HACE1: variants seen among roughly 807,000 people sequenced by gnomAD.
HACE1 encodes the protein E3 ubiquitin-protein ligase HACE1.
HACE1 carries 73 observed loss-of-function variants against 118.4 expected under a neutral mutation model. The ratio of observed to expected loss-of-function variants is 0.62; its 90% CI spans 0.51 to 0.75. The LOEUF (loss-of-function observed/expected upper bound fraction) is 0.75, where lower values mean the gene tolerates loss of function less well. HACE1 is among the 30% of genes least tolerant of loss of function. The pLI, the probability that HACE1 is intolerant of heterozygous loss-of-function variation, is 0.00. For synonymous variants in HACE1, 368 were observed against 374.8 expected, an observed-to-expected ratio of 0.98 and a Z score of 0.21; for missense variants, 749 against 1,102.2, an observed-to-expected ratio of 0.68 and a Z score of 4.54.
chr6:104,823,986 T>C (rs984468929), intron 6 of HACE1, among the ~76,000 whole-genome samples: 1 of 152,204 alleles, frequency 6.6e-6, no homozygotes, highest in Non-Finnish European at 1.5e-5. Context: ...TTAAATGTAC[T>C]CACCTCAACA....
chr6:104,737,063 C>T (rs140871262), intron 22 of HACE1, among the ~76,000 whole-genome samples: 3,542 of 151,612 alleles, frequency 0.023, 162 homozygotes, highest in African/African-American at 0.082. Context: ...GCGGGTGGAT[C>T]ACCTGAGGTC....
chr6:104,857,775 G>A (rs751926764), intron 1 of HACE1, among the ~76,000 whole-genome samples: 11 of 151,994 alleles, frequency 7.2e-5, no homozygotes, highest in Non-Finnish European at 1.3e-4. Context: ...AGCTAACACG[G>A]TGAAACCCCG....
chr6:104,756,426 AATAT>A lies in HACE1; in HGVS notation c.2212-5958_2212-5955del, dbSNP rs143518205. Among the ~76,000 whole-genome samples the A allele has an allele frequency of 1.1e-3, 113 of 105,934 alleles. 1 individual carries two copies. Among genetic ancestry groups the A allele is most frequent in the Admixed American group, 2.6e-3 (25 of 9,464 alleles). 69.5% of individuals were successfully genotyped at this position (105,934 alleles called of 152,430 possible). ...GATTCCATCTCAAAAAAAAAAAAAA[AATAT>A]ATATATATATATATATACACACACA... On this transcript the variant is annotated intron_variant, in intron 19 of 23. Transcript: ENST00000262903.
At chr6:104,832,697 C>G (rs1358440370) in intron 6 of HACE1, among the ~76,000 whole-genome samples, 1 of 151,972 alleles carries the variant, frequency 6.6e-6, no homozygotes, top group African/African-American at 2.4e-5. Flanking sequence ...AGCCCAAAAG[C>G]ACTATTTTCT....
intron 1 of HACE1, among the ~76,000 whole-genome samples, chr6:104,855,068 T>TA (rs1313424336): frequency 2.6e-5 from 4 of 152,212 alleles, no homozygotes; most frequent in Non-Finnish European, 4.4e-5. Context: ...ATCCTCATTT[T>TA]ACAAATGAGA....
At chr6:104,858,627 C>A (rs1776988085) in intron 1 of HACE1, 2 of 216,026 alleles carry the variant, frequency 9.3e-6, no homozygotes, top group South Asian at 5.0e-5. Flanking sequence ...ATCCTACAAA[C>A]CACCCAGCAG....
At chr6:104,831,988 A>AAGAGAAGAGAATAGAAGAGAAGAG (rs1562471383) in intron 6 of HACE1, among the ~76,000 whole-genome samples, 1 of 53,812 alleles carries the variant, frequency 1.9e-5, no homozygotes, top group South Asian at 8.1e-4. Flanking sequence ...GAGAGGAAGG[A>AAGAGAAGAGAATAGAAGAGAAGAG]AGGAAGGAAG....
chr6:104,793,429 C>A (rs1289830132), intron 10 of HACE1, among the ~76,000 whole-genome samples: 3 of 152,030 alleles, frequency 2.0e-5, no homozygotes, highest in African/African-American at 4.8e-5. Context: ...TACTTTCAAT[C>A]ATAAATATAT....
At chr6:104,818,754 G>A (rs552992351) in intron 6 of HACE1, among the ~76,000 whole-genome samples, 29 of 151,906 alleles carry the variant, frequency 1.9e-4, no homozygotes, top group African/African-American at 6.8e-4. Context: ...ATGTAATTCA[G>A]CACATAAGCA....
At chr6:104,855,451 A>C (rs1776626510) in intron 1 of HACE1, among the ~76,000 whole-genome samples, 1 of 152,180 alleles carries the variant, frequency 6.6e-6, no homozygotes. Flanking sequence ...TCGGAAAAAA[A>C]AATAAAAAAT....
At chr6:104,802,746 C>T (rs1223696123) in intron 7 of HACE1, among the ~76,000 whole-genome samples, 37 of 152,064 alleles carry the variant, frequency 2.4e-4, no homozygotes, top group Admixed American at 2.4e-3. Flanking sequence ...GCACTAAATG[C>T]CCACAAGAGA....
intron 11 of HACE1, 27 bp downstream of exon 11, chr6:104,791,477 C>T (rs17065321): frequency 0.061 from 95,661 of 1,580,986 alleles, 3,246 homozygotes; most frequent in South Asian, 0.082. Flanking sequence ...CGTCTATCTT[C>T]CTAACAATGC....
At chr6:104,831,980 G>GAAGAGGAGGA (rs71003447) in intron 6 of HACE1, among the ~76,000 whole-genome samples, 101 of 62,928 alleles carry the variant, frequency 1.6e-3, no homozygotes, top group Admixed American at 2.4e-3. Context: ...GAAGAGAAGA[G>GAAGAGGAGGA]AGGAAGGAAG....
In HACE1 at chr6:104,795,665, A is replaced by G; in HGVS notation, c.837T>C (p.His279=). The G allele has an allele frequency of 3.7e-6, 6 of 1,611,202 alleles. No individual in the cohort carries two copies. Among genetic ancestry groups the G allele is most frequent in the Non-Finnish European group, 5.1e-6 (6 of 1,177,438 alleles). ...ACTGGCTTTCACTTTGCTGAGACAA[A>G]TGCTCCAGAACTTGCCGTAACTAAA... ...RENMLRQVLE[H]LSQQSESQYL... The change falls in exon 10 of 24, where the codon CAT becomes CAC. Residue 279 remains histidine, a synonymous_variant. Transcript: ENST00000262903.
chr6:104,773,194 C>T (rs975911470), intron 17 of HACE1, among the ~76,000 whole-genome samples: 1 of 152,168 alleles, frequency 6.6e-6, no homozygotes, highest in African/African-American at 2.4e-5. Context: ...ACATAATGAG[C>T]TCATGCTATA....
chr6:104,772,178 A>G, intron 17 of HACE1, 104 bp from the exon 18 acceptor site: 1 of 688,598 alleles, frequency 1.5e-6, no homozygotes, highest in Non-Finnish European at 2.6e-6. Flanking sequence ...CAGCAAAGCT[A>G]AGGTTACATT....
chr6:104,739,739 T>C (rs1448444911), intron 22 of HACE1, among the ~76,000 whole-genome samples: 1 of 150,414 alleles, frequency 6.6e-6, no homozygotes, highest in Non-Finnish European at 1.5e-5. Context: ...CACCCCACTG[T>C]CAACATTAGA....
At position 104,744,528 on chromosome 6, in the gene HACE1, T is replaced by C. The variant is rs1777194318; in HGVS notation, c.2426A>G (p.Glu809Gly). 6.4e-7 allele frequency: 1 copy of C among 1,572,676 alleles called. No individual in the cohort carries two copies. Among genetic ancestry groups the C allele is most frequent in the Non-Finnish European group, 8.8e-7 (1 of 1,142,316 alleles). The change falls in exon 21 of 24, where the codon GAA becomes GGA. Residue 809 changes from glutamate (E) to glycine (G), a missense_variant. By Grantham distance (98) the Glu-to-Gly change is moderately conservative. This residue lies in a region of HACE1 where 165 missense variants were observed against 229.9 expected (regional missense o/e 0.72). Coordinates refer to ENST00000262903, the MANE Select transcript of HACE1 (RefSeq NM_020771.4). ...AAATTTTACCTGAATAACTGGATCTTCTCTTTCATAGCCACTTGTGTATTC... is the reference window on the plus strand; with the variant it reads ...AAATTTTACCTGAATAACTGGATCTCCTCTTTCATAGCCACTTGTGTATTC... Reference protein sequence around the residue: ...NTEYTSGYEREDPVIQWFWEV... With the variant: ...NTEYTSGYERGDPVIQWFWEV...
chr6:104,737,966 C>T (rs1044623854), intron 22 of HACE1, among the ~76,000 whole-genome samples: 6 of 152,210 alleles, frequency 3.9e-5, no homozygotes, highest in Admixed American at 6.5e-5. Flanking sequence ...TCTCCCATCA[C>T]GCAGCTGGAG....
Sources: allele counts gnomAD v4.1 joint callset (sites outside exome capture counted in the v4.1 genomes callset), GRCh38; gene constraint gnomAD v4.1.1; regional missense constraint gnomAD v4.1.1; transcripts MANE v1.5; gene names NCBI Gene and HGNC (gene_info 2026-07-23, HGNC 2026-07-21).